PDE7B: variants seen among roughly 807,000 people sequenced by gnomAD.
The protein encoded by PDE7B is phosphodiesterase 7B.
A neutral mutation model predicts 56.2 loss-of-function variants in PDE7B; 29 were observed. That is an observed-to-expected ratio of 0.52 (90% CI 0.38 to 0.70). PDE7B has a LOEUF of 0.70. PDE7B is among the 30% of genes least tolerant of loss of function. The pLI is 0.00. For synonymous variants in PDE7B, 197 were observed against 196.9 expected (o/e 1.00, Z 0.00); for missense variants, 490 against 565.0 (o/e 0.87, Z 1.35).
chr6:136,177,867 A>C (rs764605889), intron 9 of PDE7B, among the ~76,000 whole-genome samples: 1 of 152,222 alleles, frequency 6.6e-6, no homozygotes, highest in Admixed American at 6.5e-5. Context: ...GAAAAAACTC[A>C]AGTGACCATG....
At chr6:136,017,461 A>T (rs1340299107) in intron 2 of PDE7B, among the ~76,000 whole-genome samples, 1 of 151,586 alleles carries the variant, frequency 6.6e-6, no homozygotes, top group Non-Finnish European at 1.5e-5. Flanking sequence ...CATTTACATT[A>T]GGTATATCTC....
Position 135,851,898 on chromosome 6 carries a change from G to T in PDE7B, c.-101G>T. 2 of 745,030 alleles carry T rather than the reference G, an allele frequency of 2.7e-6. No individual in the cohort carries two copies. Among genetic ancestry groups the T allele is most frequent in the Non-Finnish European group, 2.4e-6 (1 of 420,266 alleles). 46.2% of individuals were successfully genotyped at this position (745,030 alleles called of 1,614,324 possible). Reference sequence around the variant, plus strand: ...TTACTTAATTATATTCCTAATCCTGGATGAAGTTGCTGGATTCTGCAGCAC... The same window carrying T: ...TTACTTAATTATATTCCTAATCCTGTATGAAGTTGCTGGATTCTGCAGCAC... On this transcript the variant is annotated 5_prime_UTR_variant, in exon 1 of 13. Transcript: ENST00000308191.
At chr6:135,914,161 G>A (rs1776256838) in intron 1 of PDE7B, among the ~76,000 whole-genome samples, 2 of 152,016 alleles carry the variant, frequency 1.3e-5, no homozygotes, top group Admixed American at 1.3e-4. Flanking sequence ...ATATGTAGTT[G>A]CCACTTCAGA....
Position 135,869,777 on chromosome 6 carries a change from C to T in PDE7B, c.21+17758C>T, listed in dbSNP as rs185810410. 4.8e-3 allele frequency among the ~76,000 whole-genome samples: 735 copies of T among 152,226 alleles called. 2 individuals are homozygous for T. Among genetic ancestry groups the T allele is most frequent in the Non-Finnish European group, 7.6e-3 (518 of 68,014 alleles). On this transcript the variant is annotated intron_variant, in intron 1 of 12. Coordinates refer to ENST00000308191, the MANE Select transcript of PDE7B (RefSeq NM_018945.4). ...AATGATTGAGAAAGAGACAGCCAAACCTGGAAAAAGAGTGATCCCGGCAGA... is the reference window on the plus strand; with the variant it reads ...AATGATTGAGAAAGAGACAGCCAAATCTGGAAAAAGAGTGATCCCGGCAGA...
chr6:135,868,570 T>C (rs528866597), intron 1 of PDE7B, among the ~76,000 whole-genome samples: 1 of 152,314 alleles, frequency 6.6e-6, no homozygotes, highest in Non-Finnish European at 1.5e-5. Flanking sequence ...TAGCTGAGAC[T>C]ACAGGCAGGT....
Position 136,191,013 on chromosome 6 carries a change from C to CTTTTTTTTTTTTTTTT in PDE7B, c.1127-592_1127-577dup, listed in dbSNP as rs752187218. On this transcript the variant is annotated intron_variant, in intron 12 of 12. Coordinates refer to ENST00000308191, the MANE Select transcript of PDE7B (RefSeq NM_018945.4). ...CTGCCTTCTTTAGCTCCAGCATACACTTTTTTTTTTTTTTTTTTTTTTTTA... is the reference window on the plus strand; with the variant it reads ...CTGCCTTCTTTAGCTCCAGCATACACTTTTTTTTTTTTTTTTTTTTTTTTTTTTTTTTTTTTTTTTA... 4.3e-4 allele frequency among the ~76,000 whole-genome samples: 43 copies of CTTTTTTTTTTTTTTTT among 99,288 alleles called. 3 individuals carry two copies. Among genetic ancestry groups the CTTTTTTTTTTTTTTTT allele is most frequent in the East Asian group, 3.3e-3 (11 of 3,332 alleles). 65.1% of individuals were successfully genotyped at this position (99,288 alleles called of 152,430 possible).
chr6:135,974,806 C>T (rs1775155111), intron 2 of PDE7B, among the ~76,000 whole-genome samples: 1 of 152,202 alleles, frequency 6.6e-6, no homozygotes, highest in Admixed American at 6.5e-5. Flanking sequence ...GTCACCTTTT[C>T]TGATCCAAAG....
intron 2 of PDE7B, among the ~76,000 whole-genome samples, chr6:136,078,245 T>C (rs887814897): frequency 1.3e-5 from 2 of 152,188 alleles, no homozygotes; most frequent in African/African-American, 4.8e-5. Flanking sequence ...AGAATTCCCA[T>C]GTCAATGAGA....
chr6:135,896,168 A>G (rs1583748488), intron 1 of PDE7B, among the ~76,000 whole-genome samples: 1 of 152,266 alleles, frequency 6.6e-6, no homozygotes, highest in Admixed American at 6.5e-5. Context: ...AAACGCGGGG[A>G]GAGAACAGCC....
intron 2 of PDE7B, among the ~76,000 whole-genome samples, chr6:136,004,333 G>T (rs1396166062): frequency 1.3e-5 from 2 of 152,168 alleles, no homozygotes; most frequent in African/African-American, 4.8e-5. Context: ...ATTTAACATA[G>T]TGTTGGAAGT....
At chr6:136,148,843 G>A (rs535439401) in intron 4 of PDE7B, among the ~76,000 whole-genome samples, 4 of 152,278 alleles carry the variant, frequency 2.6e-5, no homozygotes, top group Admixed American at 6.5e-5. Flanking sequence ...AAAGTCTCAC[G>A]CAATCTAAAC....
At chr6:136,154,416 C>CAAA (rs5880284) in intron 7 of PDE7B, among the ~76,000 whole-genome samples, 3 of 124,454 alleles carry the variant, frequency 2.4e-5, no homozygotes, top group African/African-American at 2.7e-5. Flanking sequence ...TGTATTTGGA[C>CAAA]AAAAAAAAAA....
intron 2 of PDE7B, among the ~76,000 whole-genome samples, chr6:136,058,962 TA>T (rs1242784429): frequency 1.3e-5 from 2 of 152,136 alleles, no homozygotes; most frequent in African/African-American, 4.8e-5. Context: ...GAAATAGGAT[TA>T]GAGAGTCAGC....
intron 2 of PDE7B, among the ~76,000 whole-genome samples, chr6:136,017,151 AT>A (rs2128207704): frequency 6.6e-6 from 1 of 152,348 alleles, no homozygotes; most frequent in African/African-American, 2.4e-5. Flanking sequence ...GGTCATTTAG[AT>A]TATTAAACAG....
intron 2 of PDE7B, among the ~76,000 whole-genome samples, chr6:135,970,353 A>T (rs369391471): frequency 6.6e-6 from 1 of 152,160 alleles, no homozygotes; most frequent in Non-Finnish European, 1.5e-5. Context: ...CAGGTGGAAC[A>T]AGAGGAAGGC....
chr6:136,166,583 G>C (rs927120046), intron 8 of PDE7B, among the ~76,000 whole-genome samples: 1 of 152,056 alleles, frequency 6.6e-6, no homozygotes, highest in Admixed American at 6.5e-5. Flanking sequence ...AGGGCAAGGT[G>C]CTACACACTT....
intron 1 of PDE7B, among the ~76,000 whole-genome samples, chr6:135,889,107 A>G (rs1466179000): frequency 6.6e-6 from 1 of 152,142 alleles, no homozygotes; most frequent in Non-Finnish European, 1.5e-5. Flanking sequence ...ATGCCCAGTT[A>G]ATAGATTCTT....
intron 2 of PDE7B, among the ~76,000 whole-genome samples, chr6:136,107,308 A>G (rs1777662391): frequency 6.6e-6 from 1 of 152,192 alleles, no homozygotes; most frequent in East Asian, 1.9e-4. Flanking sequence ...GAGTGTACCC[A>G]TTACTACTGG....
Position 136,179,001 on chromosome 6 carries a change from G to A in PDE7B, c.808G>A (p.Asp270Asn). 6.2e-7 allele frequency: 1 copy of A among 1,614,136 alleles called. No homozygotes were observed. The highest frequency in any genetic ancestry group is 8.5e-7 in the Non-Finnish European group (1 of 1,179,966). ...LAHLPKEMTQ[D>N]IEQQLGSLIL... ...CTTTCATTCTTGTGGATGCAGACAG[G>A]ATATTGAACAGCAGCTGGGCTCCTT... The change falls in exon 10 of 13, where the codon GAT (aspartate) becomes AAT (asparagine). Residue 270 changes from aspartate (D) to asparagine (N), a missense_variant. Physicochemically the swap from Asp to Asn is conservative, Grantham distance 23. Transcript: ENST00000308191.
Sources: gnomAD v4.1 joint callset for allele counts (sites outside exome capture counted in the v4.1 genomes callset) on GRCh38, gnomAD v4.1.1 for gene constraint, MANE v1.5 for transcripts, NCBI Gene and HGNC (gene_info 2026-07-23, HGNC 2026-07-21) for gene names.